Variants in ZDHHC14 observed in about 807,000 individuals in gnomAD.
ZDHHC14 encodes palmitoyltransferase ZDHHC14.
A neutral mutation model predicts 47.7 loss-of-function variants in ZDHHC14; 16 were observed. The ratio of observed to expected loss-of-function variants is 0.34; its 90% CI spans 0.23 to 0.51. The LOEUF is 0.51. Ranked by LOEUF, ZDHHC14 falls within the 20% of genes least tolerant of loss-of-function variation. The probability of loss-of-function intolerance (pLI) is 0.97; values close to 1 mark genes in which losing one functional copy is unlikely to be tolerated. For missense variants in ZDHHC14, 515 were observed against 662.5 expected, an observed-to-expected ratio of 0.78 and a Z score of 2.44; for synonymous variants, 293 against 278.9, an observed-to-expected ratio of 1.05 and a Z score of -0.50.
At chr6:157,588,471 T>C (rs1017628623) in intron 2 of ZDHHC14, among the ~76,000 whole-genome samples, 1 of 151,960 alleles carries the variant, frequency 6.6e-6, no homozygotes, top group Admixed American at 6.6e-5. Context: ...AATTAAAAAA[T>C]ATACATTTTT....
At chr6:157,629,187 A>G (rs566045693) in intron 4 of ZDHHC14, among the ~76,000 whole-genome samples, 2 of 152,336 alleles carry the variant, frequency 1.3e-5, no homozygotes, top group East Asian at 3.9e-4. Flanking sequence ...GAGGGTTATA[A>G]CTTTGAATTG....
chr6:157,396,001 T>G (rs1286975485), intron 1 of ZDHHC14, among the ~76,000 whole-genome samples: 1 of 152,084 alleles, frequency 6.6e-6, no homozygotes, highest in East Asian at 1.9e-4. Flanking sequence ...CCAGTTGATT[T>G]AGGTCTGCTT....
At chr6:157,423,549 C>T (rs1176160661) in intron 1 of ZDHHC14, among the ~76,000 whole-genome samples, 3 of 152,068 alleles carry the variant, frequency 2.0e-5, no homozygotes, top group East Asian at 1.9e-4. Flanking sequence ...CTAAGCATTG[C>T]GGGATTTTCC....
At chr6:157,562,263 G>A (rs1471877535) in intron 2 of ZDHHC14, among the ~76,000 whole-genome samples, 1 of 152,192 alleles carries the variant, frequency 6.6e-6, no homozygotes, top group East Asian at 1.9e-4. Flanking sequence ...ACAGCCCTGG[G>A]CAATGAAGGG....
intron 1 of ZDHHC14, among the ~76,000 whole-genome samples, chr6:157,407,552 G>A (rs1343067811): frequency 6.6e-6 from 1 of 152,112 alleles, no homozygotes; most frequent in East Asian, 1.9e-4. Flanking sequence ...AATCATTTTT[G>A]TAGACTGCCC....
At chr6:157,659,477 T>G (rs1354611933) in intron 8 of ZDHHC14, among the ~76,000 whole-genome samples, 2 of 152,230 alleles carry the variant, frequency 1.3e-5, no homozygotes, top group African/African-American at 2.4e-5. Context: ...AGCTGAAATA[T>G]TTCAAGACTG....
intron 3 of ZDHHC14, among the ~76,000 whole-genome samples, chr6:157,627,738 C>T (rs140121782): frequency 5.9e-5 from 9 of 152,348 alleles, no homozygotes; most frequent in Non-Finnish European, 1.0e-4. Context: ...AGTCTCCCAT[C>T]TCTGTAAGCC....
intron 2 of ZDHHC14, among the ~76,000 whole-genome samples, chr6:157,584,847 T>A (rs573958477): frequency 2.6e-5 from 4 of 152,326 alleles, no homozygotes; most frequent in Admixed American, 2.6e-4. Flanking sequence ...TGGGGGACTA[T>A]ATGAAGGAAG....
intron 1 of ZDHHC14, among the ~76,000 whole-genome samples, chr6:157,539,304 G>A (rs1216787400): frequency 6.6e-6 from 1 of 152,106 alleles, no homozygotes; most frequent in Non-Finnish European, 1.5e-5. Context: ...TCAGGAGGCT[G>A]AGCTGGGAGA....
At chr6:157,670,161 C>A (rs1478789594) in intron 8 of ZDHHC14, among the ~76,000 whole-genome samples, 1 of 152,222 alleles carries the variant, frequency 6.6e-6, no homozygotes, top group Non-Finnish European at 1.5e-5. Flanking sequence ...GCTGAAATTC[C>A]CTGCAAGAGC....
chr6:157,388,896 A>G (rs1356492701), intron 1 of ZDHHC14, among the ~76,000 whole-genome samples: 1 of 152,148 alleles, frequency 6.6e-6, no homozygotes, highest in South Asian at 2.1e-4. Context: ...CTTCCTGCCC[A>G]TCCCTGAGGT....
chr6:157,482,900 G>A (rs1035104952), intron 1 of ZDHHC14, among the ~76,000 whole-genome samples: 4 of 152,036 alleles, frequency 2.6e-5, no homozygotes, highest in African/African-American at 9.7e-5. Flanking sequence ...GCTCCACCAA[G>A]CCTGGCTAAT....
rs1193268592 is a variant in ZDHHC14, at chr6:157,574,760, T to G, written c.407-18228T>G. 2.6e-5 allele frequency among the ~76,000 whole-genome samples: 4 copies of G among 152,228 alleles called. No homozygotes were observed. The East Asian group carries it at 7.7e-4, about 29-fold the overall frequency. ...GCCACCACCCTATTTCAAGCTAACA[T>G]CGTCTCAAGCTTGTATTCCAGATCC... is the stretch of plus-strand genomic sequence containing the variant. On this transcript the variant is annotated intron_variant, in intron 2 of 8. Coordinates refer to ENST00000359775, the MANE Select transcript of ZDHHC14 (RefSeq NM_024630.3).
chr6:157,414,861 C>T (rs1777942867), intron 1 of ZDHHC14, among the ~76,000 whole-genome samples: 3 of 139,948 alleles, frequency 2.1e-5, no homozygotes, highest in Non-Finnish European at 4.6e-5. Context: ...TTCTTCACTG[C>T]CTGATGAAAT....
At chr6:157,659,911 C>T (rs760079581) in intron 8 of ZDHHC14, among the ~76,000 whole-genome samples, 7 of 152,216 alleles carry the variant, frequency 4.6e-5, no homozygotes, top group Non-Finnish European at 8.8e-5. Flanking sequence ...GCAAGCTGAA[C>T]TTCAAGCCAT....
At chr6:157,482,243 T>C (rs1006566153) in intron 1 of ZDHHC14, among the ~76,000 whole-genome samples, 1 of 150,788 alleles carries the variant, frequency 6.6e-6, no homozygotes, top group African/African-American at 2.4e-5. Flanking sequence ...ACCTAACGTC[T>C]ATATTTCTTT....
At chr6:157,392,645 A>ATGTGTGTGTG (rs372653506) in intron 1 of ZDHHC14, among the ~76,000 whole-genome samples, 44 of 147,336 alleles carry the variant, frequency 3.0e-4, no homozygotes, top group African/African-American at 4.5e-4. Flanking sequence ...TAAGAGAAAG[A>ATGTGTGTGTG]TGTGTGTGTG....
chr6:157,542,474 C>T (rs2114804772), intron 1 of ZDHHC14, 111 bp from the exon 2 acceptor site: 1 of 1,389,600 alleles, frequency 7.2e-7, no homozygotes, highest in South Asian at 1.4e-5. Context: ...AATTTCTCTC[C>T]TCCAAATAAG....
At chr6:157,398,064 C>T (rs1355939298) in intron 1 of ZDHHC14, among the ~76,000 whole-genome samples, 1 of 148,696 alleles carries the variant, frequency 6.7e-6, no homozygotes, top group East Asian at 2.0e-4. Flanking sequence ...CCCCCCAGCT[C>T]CCCAGCTCCC....
Sources: gnomAD v4.1 joint callset for allele counts (sites outside exome capture counted in the v4.1 genomes callset) on GRCh38, gnomAD v4.1.1 for gene constraint, MANE v1.5 for transcripts, NCBI Gene and HGNC (gene_info 2026-07-23, HGNC 2026-07-21) for gene names.